The following FBXO10 variants were observed in gnomAD, a reference collection of about 807,000 sequenced individuals.
The protein encoded by FBXO10 is F-box only protein 10.
Under a neutral mutation model 80.7 loss-of-function variants are expected in FBXO10, and 39 were observed. The ratio of observed to expected loss-of-function variants is 0.48; its 90% CI spans 0.37 to 0.63. FBXO10 has a LOEUF of 0.63. Ranked by LOEUF, FBXO10 falls within the 30% of genes least tolerant of loss-of-function variation. The probability of loss-of-function intolerance (pLI) is 0.00; values close to 1 mark genes in which losing one functional copy is unlikely to be tolerated. For missense variants in FBXO10, 1,025 were observed against 1,269.0 expected (o/e 0.81, Z 2.92); for synonymous variants, 449 against 489.6 (o/e 0.92, Z 1.09).
chr9:37,554,879 A>G (rs1266683758), intron 1 of FBXO10, among the ~76,000 whole-genome samples: 2 of 152,190 alleles, frequency 1.3e-5, no homozygotes, highest in African/African-American at 2.4e-5. Context: ...TGGGGCTATT[A>G]TGGATAATGC....
chr9:37,542,854 G>A (rs1444703574), intron 1 of FBXO10, among the ~76,000 whole-genome samples: 2 of 152,192 alleles, frequency 1.3e-5, no homozygotes, highest in African/African-American at 2.4e-5. Flanking sequence ...AAGCTAGTTT[G>A]ATTTGGGCTT....
chr9:37,517,445 C>T (rs1383827766), intron 9 of FBXO10, among the ~76,000 whole-genome samples: 1 of 136,164 alleles, frequency 7.3e-6, no homozygotes, highest in African/African-American at 3.4e-5. Flanking sequence ...AAACGGAGCT[C>T]TGCATAGAAA....
At chr9:37,513,138 C>T (rs1288687115) in intron 10 of FBXO10, among the ~76,000 whole-genome samples, 1 of 152,072 alleles carries the variant, frequency 6.6e-6, no homozygotes, top group African/African-American at 2.4e-5. Context: ...GCCGACTTCT[C>T]CACTTTAAAT....
chr9:37,517,138 C>T (rs543113591), intron 9 of FBXO10, among the ~76,000 whole-genome samples: 2 of 152,178 alleles, frequency 1.3e-5, no homozygotes, highest in Admixed American at 1.3e-4. Context: ...TTGCTCACTA[C>T]TTATAAGTGG....
intron 2 of FBXO10, among the ~76,000 whole-genome samples, chr9:37,539,982 A>G (rs1316784270): frequency 1.3e-5 from 2 of 152,146 alleles, no homozygotes; most frequent in African/African-American, 4.8e-5. Context: ...ATGTCACTTA[A>G]TCTTGCTGAG....
At chr9:37,537,001 C>T (rs927930) in intron 3 of FBXO10, 109 bp downstream of exon 3, 755,118 of 798,026 alleles carry the variant, frequency 0.95, 357,463 homozygotes, top group East Asian at 1. Flanking sequence ...GTCAAGCGTG[C>T]GTGAATAAGT....
chr9:37,542,322 G>C (rs1042962784), intron 1 of FBXO10, among the ~76,000 whole-genome samples: 1 of 151,866 alleles, frequency 6.6e-6, no homozygotes, highest in East Asian at 2.0e-4. Flanking sequence ...CAGGCCGGGC[G>C]CAATGGCTCA....
At chr9:37,566,451 C>G (rs1822606881) in intron 1 of FBXO10, among the ~76,000 whole-genome samples, 1 of 116,168 alleles carries the variant, frequency 8.6e-6, no homozygotes, top group Admixed American at 9.9e-5. Context: ...AAGTGAGACT[C>G]TGTCTCGGAA....
intron 1 of FBXO10, among the ~76,000 whole-genome samples, chr9:37,545,950 C>T (rs932338514): frequency 7.9e-5 from 12 of 152,178 alleles, no homozygotes; most frequent in Admixed American, 2.6e-4. Context: ...AGTTCAAGAA[C>T]AGCCTCACCA....
rs146099800 is a variant in FBXO10, at chr9:37,513,817, C to T, written c.2697-1096G>A. Reference sequence around the variant, plus strand: ...GTTGGCCAGGCTGGTCTCGAAATCCCGACCTCAGGTGATCCACCCACCTCG... The same window carrying T: ...GTTGGCCAGGCTGGTCTCGAAATCCTGACCTCAGGTGATCCACCCACCTCG... On this transcript the variant is annotated intron_variant, in intron 10 of 10. Coordinates refer to ENST00000432825, the MANE Select transcript of FBXO10 (RefSeq NM_012166.3). 4.0e-3 allele frequency among the ~76,000 whole-genome samples: 614 copies of T among 151,982 alleles called. 5 individuals carry two copies. The highest frequency in any genetic ancestry group is 0.014 in the African/African-American group (591 of 41,444).
chr9:37,529,894 G>T (rs1462590391), intron 4 of FBXO10, among the ~76,000 whole-genome samples: 2 of 143,280 alleles, frequency 1.4e-5, no homozygotes, highest in Non-Finnish European at 3.0e-5. Flanking sequence ...GGCTGGTCTT[G>T]AACTCCTGGC....
chr9:37,518,208 C>T lies in FBXO10; in HGVS notation c.2431G>A (p.Gly811Ser), dbSNP rs375374605. 1.2e-6 allele frequency: 2 copies of T among 1,613,920 alleles called. No individual in the cohort carries two copies. The highest frequency in any genetic ancestry group is 1.7e-6 in the Non-Finnish European group (2 of 1,179,906). The change falls in exon 9 of 11, where the codon GGC becomes AGC. Residue 811 changes from glycine (G) to serine (S), a missense_variant. Physicochemically the swap from Gly to Ser is moderately conservative, Grantham distance 56. This residue lies in a region of FBXO10 where 478 missense variants were observed against 667.8 expected (regional missense o/e 0.72). Coordinates refer to ENST00000432825, the MANE Select transcript of FBXO10 (RefSeq NM_012166.3). ...TTTTCAATGACGATGGTGCTGTCGC[C>T]CTTGGTGATAATGCCGTGGCCTCTG... ...DNRGHGIITK[G>S]DSTIVIENDI... is the part of the protein sequence containing the mutation.
intron 10 of FBXO10, chr9:37,514,883 A>G (rs1821145667): frequency 6.6e-6 from 1 of 152,144 alleles, no homozygotes; most frequent in South Asian, 2.1e-4. Context: ...GGGTTTCTTC[A>G]AAGAATATTT....
chr9:37,534,339 G>A (rs931987751), intron 3 of FBXO10, among the ~76,000 whole-genome samples: 1 of 152,188 alleles, frequency 6.6e-6, no homozygotes, highest in Non-Finnish European at 1.5e-5. Context: ...CATCAGAGCT[G>A]AGGCTGCTGG....
chr9:37,554,324 G>A (rs1322022922), intron 1 of FBXO10, among the ~76,000 whole-genome samples: 2 of 152,204 alleles, frequency 1.3e-5, no homozygotes, highest in Non-Finnish European at 1.5e-5. Context: ...GAATTATACA[G>A]TGTGTCACCT....
At chr9:37,563,707 G>C (rs1822535028) in intron 1 of FBXO10, among the ~76,000 whole-genome samples, 1 of 152,194 alleles carries the variant, frequency 6.6e-6, no homozygotes, top group Non-Finnish European at 1.5e-5. Context: ...TTGAACTTGA[G>C]AGAAATGATT....
At chr9:37,566,455 C>G (rs1282441579) in intron 1 of FBXO10, among the ~76,000 whole-genome samples, 1 of 77,844 alleles carries the variant, frequency 1.3e-5, no homozygotes, top group East Asian at 3.0e-4. Flanking sequence ...GAGACTCTGT[C>G]TCGGAAAAAA....
At position 37,545,748 on chromosome 9, in the gene FBXO10, G is replaced by A. The variant is rs190708011; in HGVS notation, c.-6-3974C>T. On this transcript the variant is annotated intron_variant, in intron 1 of 10. Coordinates refer to ENST00000432825, the MANE Select transcript of FBXO10 (RefSeq NM_012166.3). Reference sequence around the variant, plus strand: ...CCACTTCAGGCCATGACAGAATAACGGAAACTGGATATTCCCTTCCTGCCA... The same window carrying A: ...CCACTTCAGGCCATGACAGAATAACAGAAACTGGATATTCCCTTCCTGCCA... Among the ~76,000 whole-genome samples, 98 of 152,290 alleles carry A rather than the reference G, an allele frequency of 6.4e-4. 1 individual carries two copies. The highest frequency in any genetic ancestry group is 1.6e-3 in the Admixed American group (24 of 15,288).
intron 1 of FBXO10, among the ~76,000 whole-genome samples, chr9:37,553,028 G>C (rs1304232303): frequency 2.0e-5 from 3 of 150,358 alleles, no homozygotes; most frequent in Non-Finnish European, 2.9e-5. Flanking sequence ...GTGTGTGTGT[G>C]TGTGTGTGTG....
Sources: gnomAD v4.1 joint callset for allele counts (sites outside exome capture counted in the v4.1 genomes callset) on GRCh38, gnomAD v4.1.1 for gene constraint, gnomAD v4.1.1 regional missense constraint, MANE v1.5 for transcripts, NCBI Gene and HGNC (gene_info 2026-07-23, HGNC 2026-07-21) for gene names.